The following CCDC192 variants were observed in gnomAD, a reference collection of about 807,000 sequenced individuals.
CCDC192 encodes coiled-coil domain-containing protein 192.
chr5:127,932,733 G>A (rs983988790), intron 6 of CCDC192, among the ~76,000 whole-genome samples: 4 of 152,100 alleles, frequency 2.6e-5, no homozygotes, highest in Non-Finnish European at 4.4e-5. Flanking sequence ...GGGCACAGGG[G>A]ATACAGTACT....
intron 6 of CCDC192, among the ~76,000 whole-genome samples, chr5:127,888,467 T>A (rs1309839119): frequency 6.6e-6 from 1 of 151,960 alleles, no homozygotes; most frequent in Admixed American, 6.6e-5. Context: ...TTCTCACGTA[T>A]AAATTTACAT....
intron 6 of CCDC192, among the ~76,000 whole-genome samples, chr5:127,907,144 C>T (rs1022457029): frequency 6.6e-6 from 1 of 151,894 alleles, no homozygotes; most frequent in East Asian, 1.9e-4. Flanking sequence ...CTACCACTAC[C>T]TTGTTTGAAT....
chr5:127,877,524 G>A (rs1271171892), intron 6 of CCDC192, among the ~76,000 whole-genome samples: 1 of 152,080 alleles, frequency 6.6e-6, no homozygotes, highest in Non-Finnish European at 1.5e-5. Flanking sequence ...TAAGTCAGTC[G>A]ACTGACATCT....
chr5:127,757,107 G>C (rs1754643828), intron 3 of CCDC192, among the ~76,000 whole-genome samples: 1 of 152,188 alleles, frequency 6.6e-6, no homozygotes, highest in Admixed American at 6.5e-5. Context: ...TTGTGGGAAA[G>C]ACATGTAAGC....
intron 5 of CCDC192, among the ~76,000 whole-genome samples, chr5:127,826,271 G>T (rs1473730968): frequency 6.6e-6 from 1 of 152,036 alleles, no homozygotes; most frequent in Admixed American, 6.6e-5. Context: ...TGGTTAAAAA[G>T]TCAAAGAAAC....
At chr5:127,786,200 G>T in intron 3 of CCDC192, 2 of 811,574 alleles carry the variant, frequency 2.5e-6, no homozygotes, top group East Asian at 4.9e-5. Flanking sequence ...AATTCATCTT[G>T]TGTGCCTTCA....
chr5:127,726,022 A>G (rs79265612), intron 2 of CCDC192, among the ~76,000 whole-genome samples: 6,659 of 152,182 alleles, frequency 0.044, 388 homozygotes, highest in African/African-American at 0.13. Context: ...ATGAATAAGA[A>G]AAAAATAATT....
At position 127,855,845 on chromosome 5, in the gene CCDC192, G is replaced by A. The variant is rs558161430; in HGVS notation, c.412-19693G>A. ...AAAGGGATCTTTCTTTCTGAGCAGT[G>A]GGTCTCAACAGTATTCCTAAAATAT... On this transcript the variant is annotated intron_variant, in intron 5 of 6. Coordinates refer to ENST00000514853, the MANE Select transcript of CCDC192 (RefSeq NM_001317938.2). Among the ~76,000 whole-genome samples the A allele has an allele frequency of 1.2e-4, 18 of 152,268 alleles. 1 individual carries two copies. In the South Asian group the frequency reaches 3.3e-3, roughly 28 times the overall value.
chr5:127,772,022 G>T (rs367766433), intron 3 of CCDC192, among the ~76,000 whole-genome samples: 1 of 152,136 alleles, frequency 6.6e-6, no homozygotes, highest in Non-Finnish European at 1.5e-5. Flanking sequence ...GCCTCAGTGC[G>T]CATTTCTTCC....
intron 3 of CCDC192, among the ~76,000 whole-genome samples, chr5:127,794,344 A>G (rs894916984): frequency 6.6e-6 from 1 of 152,330 alleles, no homozygotes; most frequent in South Asian, 2.1e-4. Flanking sequence ...TACTTGCTGT[A>G]TCCTTTGATA....
chr5:127,934,816 G>A (rs985585835), intron 6 of CCDC192, among the ~76,000 whole-genome samples: 3 of 152,214 alleles, frequency 2.0e-5, no homozygotes, highest in Non-Finnish European at 4.4e-5. Context: ...TGCCAAGTAT[G>A]TGCAAGTCCA....
At chr5:127,863,740 A>T (rs980708623) in intron 5 of CCDC192, among the ~76,000 whole-genome samples, 12 of 152,218 alleles carry the variant, frequency 7.9e-5, no homozygotes, top group East Asian at 5.8e-4. Context: ...AAGAAAAAAA[A>T]GTCTTCGAGT....
intron 5 of CCDC192, among the ~76,000 whole-genome samples, chr5:127,861,375 C>T (rs1397494356): frequency 6.6e-6 from 1 of 151,272 alleles, no homozygotes; most frequent in Non-Finnish European, 1.5e-5. Context: ...AAATGCCTGG[C>T]CGGGCACAGT....
intron 2 of CCDC192, among the ~76,000 whole-genome samples, chr5:127,722,959 C>A (rs765250870): frequency 6.6e-6 from 1 of 152,028 alleles, no homozygotes; most frequent in African/African-American, 2.4e-5. Context: ...TGGTTCCGCA[C>A]AAATCTTGGA....
intron 3 of CCDC192, among the ~76,000 whole-genome samples, chr5:127,762,058 G>T (rs1406863144): frequency 2.0e-5 from 3 of 150,426 alleles, no homozygotes; most frequent in Non-Finnish European, 4.4e-5. Context: ...AAAATGCTCT[G>T]TTTTTTTTTC....
intron 6 of CCDC192, among the ~76,000 whole-genome samples, chr5:127,899,460 C>T (rs1299128400): frequency 6.6e-6 from 1 of 151,616 alleles, no homozygotes; most frequent in East Asian, 1.9e-4. Context: ...AATCATAAAG[C>T]CTCAAGGTTG....
In CCDC192 at chr5:127,919,627, G is replaced by A. The variant is rs561061527; in HGVS notation, c.536-21555G>A. 4.5e-3 allele frequency among the ~76,000 whole-genome samples: 684 copies of A among 152,258 alleles called. 6 individuals are homozygous for A. The highest frequency in any genetic ancestry group is 0.016 in the African/African-American group (665 of 41,542). On this transcript the variant is annotated intron_variant, in intron 6 of 6. Transcript: ENST00000514853. ...TGCAACAGGCTTTCCTCAGAGCACG[G>A]CATTGTTCTCACAGAGCTTCTACAG...
At chr5:127,873,217 G>A (rs937461767) in intron 5 of CCDC192, among the ~76,000 whole-genome samples, 3 of 152,054 alleles carry the variant, frequency 2.0e-5, no homozygotes, top group African/African-American at 7.2e-5. Flanking sequence ...TGCATACTTT[G>A]AGAAAAGTTT....
At chr5:127,855,462 C>G (rs907135482) in intron 5 of CCDC192, among the ~76,000 whole-genome samples, 2 of 152,102 alleles carry the variant, frequency 1.3e-5, no homozygotes, top group African/African-American at 4.8e-5. Context: ...AGTCTTGAAC[C>G]CATCAAAGTC....
Sources: gnomAD v4.1 joint callset for allele counts (sites outside exome capture counted in the v4.1 genomes callset) on GRCh38, gnomAD v4.1.1 for gene constraint, MANE v1.5 for transcripts, NCBI Gene and HGNC (gene_info 2026-07-23, HGNC 2026-07-21) for gene names.